The following RHOQ variants were observed in gnomAD, a reference collection of about 807,000 sequenced individuals.
RHOQ encodes rho-related GTP-binding protein RhoQ.
Under a neutral mutation model 25.8 loss-of-function variants are expected in RHOQ, and 7 were observed. The observed-to-expected ratio is 0.27, with a 90% CI of 0.15 to 0.51. The LOEUF is 0.51. Ranked by LOEUF, RHOQ falls within the 20% of genes least tolerant of loss-of-function variation. The pLI is 0.97. For synonymous variants in RHOQ, 97 were observed against 98.6 expected, an observed-to-expected ratio of 0.98 and a Z score of 0.10; for missense variants, 165 against 260.6, an observed-to-expected ratio of 0.63 and a Z score of 2.53.
chr2:46,578,649 G>T (rs1164808643), intron 4 of RHOQ, among the ~76,000 whole-genome samples: 1 of 149,112 alleles, frequency 6.7e-6, no homozygotes, highest in Non-Finnish European at 1.5e-5. Flanking sequence ...CCAGCTACTT[G>T]GGGGGCTGAG....
rs1192083665 is a variant in RHOQ, at chr2:46,572,114, T to TTTTG, written c.202-3970_202-3969insGTTT. Among the ~76,000 whole-genome samples, 157 of 132,764 alleles carry TTTTG rather than the reference T, an allele frequency of 1.2e-3. 6 individuals are homozygous for TTTTG. The South Asian group carries it at 0.023, about 19-fold the overall frequency. 87.1% of individuals were successfully genotyped at this position (132,764 alleles called of 152,430 possible). On this transcript the variant is annotated intron_variant, in intron 2 of 4. Coordinates refer to ENST00000238738, the MANE Select transcript of RHOQ (RefSeq NM_012249.4). ...ATCAGGTGGTAAGTGTGTGTTTTTT[T>TTTTG]TTTTTTTTTTTTTTTTTTTTGAGAC... is the stretch of plus-strand genomic sequence containing the variant.
Position 46,576,863 on chromosome 2 carries a change from C to T in RHOQ, c.462+207C>T, listed in dbSNP as rs534618101. On this transcript the variant is annotated intron_variant, in intron 4 of 4. Coordinates refer to ENST00000238738, the MANE Select transcript of RHOQ (RefSeq NM_012249.4). This position sits in a 1 kb window ranked among gnomAD's most constrained non-coding sequence, Gnocchi z 5.1. ...GGAGGCTGGGAGATGTCAGATAATT[C>T]GCCCAAGATCCTGCAGGTAATAAAT... is the stretch of plus-strand genomic sequence containing the variant. 1.0e-5 allele frequency: 4 copies of T among 398,742 alleles called. No homozygotes were observed. The highest frequency in any genetic ancestry group is 4.5e-5 in the Admixed American group (1 of 22,408). 24.7% of individuals were successfully genotyped at this position (398,742 alleles called of 1,614,324 possible).
chr2:46,561,989 GC>G (rs1051493390), intron 2 of RHOQ, among the ~76,000 whole-genome samples: 3 of 152,172 alleles, frequency 2.0e-5, no homozygotes, highest in Non-Finnish European at 4.4e-5. Flanking sequence ...CTCACTGGTT[GC>G]TTAACTAAGC....
rs1281600223 is a variant in RHOQ at position 46,543,100 on chromosome 2, G to A, written c.54G>A (p.Gly18=). Residue 18 remains glycine (G), a synonymous_variant, in exon 1 of 5, where the codon GGG becomes GGA. Transcript: ENST00000238738. ...LMLKCVVVGD[G]AVGKTCLLMS... ...TCAAGTGCGTGGTGGTCGGCGACGG[G>A]GCGGTGGGCAAGACGTGCCTACTCA... is the stretch of plus-strand genomic sequence containing the variant. 3 of 1,609,784 alleles carry A rather than the reference G, an allele frequency of 1.9e-6. No homozygotes were observed. Among genetic ancestry groups the A allele is most frequent in the South Asian group, 2.2e-5 (2 of 90,814 alleles).
chr2:46,579,806 T>C (rs888803590), intron 4 of RHOQ, among the ~76,000 whole-genome samples: 7 of 149,422 alleles, frequency 4.7e-5, no homozygotes, highest in African/African-American at 1.5e-4. Context: ...GATCGAACCA[T>C]AGTACTCCAG....
intron 2 of RHOQ, among the ~76,000 whole-genome samples, chr2:46,551,018 G>A (rs923680592): frequency 1.3e-5 from 2 of 152,176 alleles, no homozygotes; most frequent in Non-Finnish European, 2.9e-5. Context: ...AGGAAGAGAT[G>A]GGGGCCAGTA....
intron 2 of RHOQ, chr2:46,568,112 A>T (rs532838203): frequency 1.3e-5 from 2 of 152,188 alleles, no homozygotes; most frequent in Admixed American, 6.5e-5. Context: ...ATGCCAAAAA[A>T]CTTTATTTTT....
chr2:46,546,416 TTATA>T (rs376983227), intron 2 of RHOQ, among the ~76,000 whole-genome samples: 4 of 129,908 alleles, frequency 3.1e-5, no homozygotes, highest in African/African-American at 8.7e-5. Context: ...CATTAAGGGT[TTATA>T]TATATATATA....
intron 2 of RHOQ, among the ~76,000 whole-genome samples, chr2:46,547,087 C>T (rs576136052): frequency 6.6e-5 from 10 of 152,300 alleles, no homozygotes; most frequent in African/African-American, 2.4e-4. Context: ...CAGAATTTGA[C>T]AGACAAGTAG....
At chr2:46,571,052 C>T (rs1457194352) in intron 2 of RHOQ, among the ~76,000 whole-genome samples, 6 of 152,220 alleles carry the variant, frequency 3.9e-5, no homozygotes, top group Admixed American at 2.6e-4. Context: ...GAATAAGGGA[C>T]TGGACTAAAG....
At position 46,584,457 on chromosome 2, in the gene RHOQ, CATTTTGTA is replaced by C. The variant is rs982467485; in HGVS notation, c.*3379_*3386del. On this transcript the variant is annotated 3_prime_UTR_variant, in exon 5 of 5. Transcript: ENST00000238738. Reference sequence around the variant, plus strand: ...TTGGGTTACTAAATTGTATTTTAATCATTTTGTAATTTCAGTATGGCTCTTTGTTCTCA... The same window carrying C: ...TTGGGTTACTAAATTGTATTTTAATCATTTCAGTATGGCTCTTTGTTCTCA... Among the ~76,000 whole-genome samples the C allele has an allele frequency of 8.1e-4, 123 of 152,270 alleles. No individual in the cohort carries two copies. The highest frequency in any genetic ancestry group is 2.9e-3 in the African/African-American group (119 of 41,554).
chr2:46,543,219 G>C, intron 1 of RHOQ, 31 bp downstream of exon 1: 1 of 1,608,626 alleles, frequency 6.2e-7, no homozygotes, highest in Non-Finnish European at 8.5e-7. Context: ...CTAAGGGGCC[G>C]CTCCCCGGGC....
intron 2 of RHOQ, 99 bp downstream of exon 2, chr2:46,543,911 G>A: frequency 1.0e-6 from 1 of 989,596 alleles, no homozygotes; most frequent in Non-Finnish European, 1.6e-6. Context: ...GTGGGAGGGT[G>A]TGTCTGCGAC....
chr2:46,548,863 A>G lies in RHOQ; in HGVS notation c.201+5051A>G, dbSNP rs1668153643. On this transcript the variant is annotated intron_variant, in intron 2 of 4. Transcript: ENST00000238738. This position sits in a 1 kb window ranked among gnomAD's most constrained non-coding sequence, Gnocchi z 5.2. Reference sequence around the variant, plus strand: ...GCTGGTTTCCTCCTCTGCGTTGGGAAGGTGGATAGCCTTTGTTGACTCCAA... The same window carrying G: ...GCTGGTTTCCTCCTCTGCGTTGGGAGGGTGGATAGCCTTTGTTGACTCCAA... Among the ~76,000 whole-genome samples, 1 of 152,186 alleles carries G rather than the reference A, an allele frequency of 6.6e-6. No individual in the cohort carries two copies. Among genetic ancestry groups the G allele is most frequent in the Non-Finnish European group, 1.5e-5 (1 of 68,032 alleles).
At chr2:46,571,322 T>C (rs1668906672) in intron 2 of RHOQ, among the ~76,000 whole-genome samples, 3 of 152,226 alleles carry the variant, frequency 2.0e-5, no homozygotes, top group Admixed American at 2.0e-4. Context: ...CTGATGCACG[T>C]TCCCACACCA....
intron 2 of RHOQ, among the ~76,000 whole-genome samples, chr2:46,549,765 C>G (rs1160378775): frequency 2.0e-5 from 3 of 152,192 alleles, no homozygotes; most frequent in Admixed American, 1.3e-4. Flanking sequence ...TGTCTGAGCT[C>G]TCAGGGGTCC....
intron 1 of RHOQ, 189 bp downstream of exon 1, chr2:46,543,377 C>T (rs992003263): frequency 1.1e-5 from 7 of 628,794 alleles, no homozygotes; most frequent in South Asian, 2.0e-5. Flanking sequence ...TGATCCACCC[C>T]CTCTCCCACC....
At chr2:46,550,931 C>T (rs1572737036) in intron 2 of RHOQ, among the ~76,000 whole-genome samples, 1 of 152,156 alleles carries the variant, frequency 6.6e-6, no homozygotes. Flanking sequence ...GCAAGTTCAT[C>T]GTGTGAAATT....
chr2:46,581,689 C>T lies in RHOQ; in HGVS notation c.*606C>T. 1 of 1,464,774 alleles carries T rather than the reference C, an allele frequency of 6.8e-7. No individual in the cohort carries two copies. Among genetic ancestry groups the T allele is most frequent in the Non-Finnish European group, 9.1e-7 (1 of 1,093,442 alleles). 90.7% of individuals were successfully genotyped at this position (1,464,774 alleles called of 1,614,324 possible). On this transcript the variant is annotated 3_prime_UTR_variant, in exon 5 of 5. Transcript: ENST00000238738. ...TATTTCTATATTAAAGCTTAATGTG[C>T]TTTCTTAAAGAATGCCAAAAGTGTA...
Sources: gnomAD v4.1 joint callset for allele counts (sites outside exome capture counted in the v4.1 genomes callset) on GRCh38, gnomAD v4.1.1 for gene constraint, Gnocchi (gnomAD v3.1) non-coding constraint, MANE v1.5 for transcripts, NCBI Gene and HGNC (gene_info 2026-07-23, HGNC 2026-07-21) for gene names.